SGF29: variants seen among roughly 807,000 people sequenced by gnomAD.
SGF29 encodes SAGA complex associated factor 29, also known as SAGA-associated factor 29.
SGF29 carries 15 observed loss-of-function variants against 38.1 expected under a neutral mutation model. The observed-to-expected ratio is 0.39, with a 90% CI of 0.26 to 0.61. SGF29 has a LOEUF of 0.61. Among genes scored for constraint, SGF29 ranks in the 20% least tolerant of loss-of-function variants. SGF29 has a pLI of 0.49. For synonymous variants in SGF29, 151 were observed against 160.8 expected, an observed-to-expected ratio of 0.94 and a Z score of 0.46; for missense variants, 184 against 394.6, an observed-to-expected ratio of 0.47 and a Z score of 4.52.
At chr16:28,585,040 T>A in intron 3 of SGF29, 52 bp downstream of exon 3, 1 of 1,410,948 alleles carries the variant, frequency 7.1e-7, no homozygotes, top group Non-Finnish European at 1.0e-6. Context: ...CTAGGGTGAG[T>A]ATGGCCAAGA....
intron 1 of SGF29, among the ~76,000 whole-genome samples, chr16:28,566,687 T>C (rs1255363748): frequency 1.3e-5 from 2 of 148,992 alleles, no homozygotes; most frequent in Non-Finnish European, 3.0e-5. Context: ...AGGCTGAGCC[T>C]GGAGAGAGAA....
intron 5 of SGF29, chr16:28,589,432 C>T (rs778719203): frequency 4.4e-6 from 2 of 451,502 alleles, no homozygotes; most frequent in Non-Finnish European, 8.2e-6. Context: ...CTGGGCCAGT[C>T]GCCCCCTCCT....
chr16:28,583,721 T>C (rs1002641048), intron 2 of SGF29, among the ~76,000 whole-genome samples: 1 of 152,214 alleles, frequency 6.6e-6, no homozygotes, highest in African/African-American at 2.4e-5. Context: ...TATGTGTCTA[T>C]TTCTGGACTC....
At chr16:28,557,560 G>A (rs191794634) in intron 1 of SGF29, among the ~76,000 whole-genome samples, 1 of 152,336 alleles carries the variant, frequency 6.6e-6, no homozygotes, top group Admixed American at 6.5e-5. Flanking sequence ...AGGGAGTCAT[G>A]GAAACCCTGA....
At chr16:28,591,216 C>T (rs1377770403) in intron 9 of SGF29, among the ~76,000 whole-genome samples, 1 of 152,210 alleles carries the variant, frequency 6.6e-6, no homozygotes, top group East Asian at 1.9e-4. Flanking sequence ...CTCCTACCGC[C>T]TTGTGCTCTT....
intron 1 of SGF29, among the ~76,000 whole-genome samples, chr16:28,568,219 A>G (rs1395103506): frequency 6.8e-6 from 1 of 146,352 alleles, no homozygotes. Flanking sequence ...AGGCTGACGT[A>G]GGAGAATTGC....
rs2046822245 is a variant in SGF29, at chr16:28,564,720, TATATATAC to T, written c.-16+10631_-16+10638del. On this transcript the variant is annotated intron_variant, in intron 1 of 9. Transcript: ENST00000317058. ...ATGTATATATATACATATATATGTATATATATACATATATATGTATATATGTATATATA... is the reference window on the plus strand; with the variant it reads ...ATGTATATATATACATATATATGTATATATATATGTATATATGTATATATA... Among the ~76,000 whole-genome samples the T allele has an allele frequency of 1.6e-4, 14 of 86,234 alleles. 1 individual carries two copies. The highest frequency in any genetic ancestry group is 1.8e-4 in the African/African-American group (4 of 22,378). The allele number at this position is 86,234 out of a possible 152,430, so 56.6% of individuals were successfully genotyped here. A position where few individuals can be genotyped will look rare whatever the true frequency, so the allele number is the denominator to read the frequency against.
At chr16:28,564,673 A>ATG (rs1183877535) in intron 1 of SGF29, among the ~76,000 whole-genome samples, 4 of 85,788 alleles carry the variant, frequency 4.7e-5, no homozygotes, top group African/African-American at 9.2e-5. Flanking sequence ...ATGCATATAT[A>ATG]TGTATATATA....
chr16:28,586,360 G>A (rs2046955985), intron 4 of SGF29, among the ~76,000 whole-genome samples: 1 of 152,040 alleles, frequency 6.6e-6, no homozygotes, highest in Admixed American at 6.6e-5. Context: ...CTAGCATAGC[G>A]AAACCCTATA....
intron 1 of SGF29, among the ~76,000 whole-genome samples, chr16:28,559,388 GTT>G (rs2046772352): frequency 6.6e-6 from 1 of 152,016 alleles, no homozygotes. Flanking sequence ...TGTTTTTGTT[GTT>G]GTTGTTGTTT....
chr16:28,555,935 T>C (rs1295406058), intron 1 of SGF29, among the ~76,000 whole-genome samples: 1 of 152,204 alleles, frequency 6.6e-6, no homozygotes, highest in East Asian at 1.9e-4. Context: ...AGCATAGGTT[T>C]TAGAACTTGC....
chr16:28,585,496 T>C (rs1405449879), intron 3 of SGF29, 152 bp from the exon 4 acceptor site: 4 of 686,016 alleles, frequency 5.8e-6, no homozygotes, highest in Non-Finnish European at 1.1e-5. Context: ...CCTGGGGGCA[T>C]CCGCCTCAGG....
At chr16:28,586,149 G>T (rs551396443) in intron 4 of SGF29, among the ~76,000 whole-genome samples, 1 of 152,092 alleles carries the variant, frequency 6.6e-6, no homozygotes, top group African/African-American at 2.4e-5. Context: ...TTAGCTGAGC[G>T]TGGTGGCATG....
At chr16:28,574,306 C>T (rs1281350157) in intron 1 of SGF29, among the ~76,000 whole-genome samples, 2 of 152,160 alleles carry the variant, frequency 1.3e-5, no homozygotes, top group Non-Finnish European at 2.9e-5. Context: ...TCCCTCACGG[C>T]GAGCTGCCCG....
intron 1 of SGF29, among the ~76,000 whole-genome samples, chr16:28,570,335 G>A (rs983812786): frequency 2.0e-5 from 3 of 152,100 alleles, no homozygotes; most frequent in Non-Finnish European, 4.4e-5. Context: ...TGCTCTGTTG[G>A]GTTTTGGACT....
chr16:28,558,200 G>A (rs193189741), intron 1 of SGF29, among the ~76,000 whole-genome samples: 90 of 151,304 alleles, frequency 5.9e-4, no homozygotes, highest in African/African-American at 2.0e-3. Context: ...CCACCTCCCG[G>A]GTTCAAGTGA....
In SGF29 at chr16:28,590,835, C is replaced by T; in HGVS notation, c.665C>T (p.Thr222Met). ...PLPQWKANPETDPEALFQKEQ... is the reference protein window; with the variant it reads ...PLPQWKANPEMDPEALFQKEQ... ...CCCCAGTGGAAGGCCAACCCGGAGA[C>T]GGACCCTGAGGCCTTGTTCCAGAAG... Residue 222 changes from threonine to methionine, a missense_variant, in exon 9 of 10, where the codon ACG (threonine) becomes ATG (methionine). Thr to Met is a moderately conservative substitution (Grantham distance 81). This residue lies in a region of SGF29 where 107 missense variants were observed against 276.9 expected (regional missense o/e 0.39). Transcript: ENST00000317058. This position sits in a 1 kb window ranked among gnomAD's most constrained non-coding sequence, Gnocchi z 8.2. 1.2e-6 allele frequency: 2 copies of T among 1,614,070 alleles called. No homozygotes were observed. Among genetic ancestry groups the T allele is most frequent in the Non-Finnish European group, 1.7e-6 (2 of 1,179,982 alleles).
At chr16:28,555,007 T>G (rs1334280569) in intron 1 of SGF29, among the ~76,000 whole-genome samples, 2 of 152,230 alleles carry the variant, frequency 1.3e-5, no homozygotes, top group African/African-American at 2.4e-5. Context: ...CATTTTTGTT[T>G]TTATTAGAGA....
At chr16:28,556,495 G>A (rs2046752420) in intron 1 of SGF29, among the ~76,000 whole-genome samples, 1 of 152,182 alleles carries the variant, frequency 6.6e-6, no homozygotes, top group African/African-American at 2.4e-5. Flanking sequence ...TTACAGGCAT[G>A]TGCCACCACA....
Sources: gnomAD v4.1 joint callset for allele counts (sites outside exome capture counted in the v4.1 genomes callset) on GRCh38, gnomAD v4.1.1 for gene constraint, gnomAD v4.1.1 regional missense constraint, Gnocchi (gnomAD v3.1) non-coding constraint, MANE v1.5 for transcripts, NCBI Gene and HGNC (gene_info 2026-07-23, HGNC 2026-07-21) for gene names.